Variants in PRKG1 observed in about 807,000 individuals in gnomAD.
PRKG1 encodes protein kinase cGMP-dependent 1.
In PRKG1, 35 loss-of-function variants were observed where a neutral mutation model predicts 88.1. The ratio of observed to expected loss-of-function variants is 0.40; its 90% confidence interval spans 0.30 to 0.53. The LOEUF (loss-of-function observed/expected upper bound fraction) is 0.53, where lower values mean the gene tolerates loss of function less well. Among genes scored for constraint, PRKG1 ranks in the 20% least tolerant of loss-of-function variants. The pLI is 0.59. For synonymous variants in PRKG1, 303 were observed against 292.5 expected (o/e 1.04, Z -0.37); for missense variants, 540 against 839.8 (o/e 0.64, Z 4.41).
intron 7 of PRKG1, among the ~76,000 whole-genome samples, chr10:52,096,816 T>C (rs982600512): frequency 6.6e-6 from 1 of 152,168 alleles, no homozygotes; most frequent in South Asian, 2.1e-4. Context: ...TGGGCTATTA[T>C]TTAATACCTA....
intron 8 of PRKG1, among the ~76,000 whole-genome samples, chr10:52,146,633 T>C (rs1427871837): frequency 6.6e-6 from 1 of 152,182 alleles, no homozygotes; most frequent in Non-Finnish European, 1.5e-5. Context: ...CTTTACCACG[T>C]TGCATTAGCA....
intron 2 of PRKG1, among the ~76,000 whole-genome samples, chr10:51,296,854 C>T (rs778595574): frequency 1.3e-5 from 2 of 151,842 alleles, no homozygotes; most frequent in Admixed American, 6.6e-5. Flanking sequence ...GTTACATTGC[C>T]GCCTCTGCTT....
At chr10:51,426,514 C>A (rs1838590210) in intron 2 of PRKG1, among the ~76,000 whole-genome samples, 1 of 152,040 alleles carries the variant, frequency 6.6e-6, no homozygotes, top group Admixed American at 6.6e-5. Flanking sequence ...GACATGTAGA[C>A]AAACAGATTG....
chr10:51,881,883 A>G (rs1016901174), intron 4 of PRKG1, among the ~76,000 whole-genome samples: 4 of 152,212 alleles, frequency 2.6e-5, no homozygotes, highest in Admixed American at 6.5e-5. Flanking sequence ...GATGCATCAC[A>G]GAACTCTTAA....
intron 4 of PRKG1, among the ~76,000 whole-genome samples, chr10:51,866,904 C>A (rs1036480868): frequency 1.3e-5 from 2 of 152,068 alleles, no homozygotes; most frequent in African/African-American, 4.8e-5. Context: ...AACTCTCTAT[C>A]CCCAAAACCT....
intron 2 of PRKG1, among the ~76,000 whole-genome samples, chr10:51,416,534 T>C (rs980585392): frequency 1.3e-5 from 2 of 152,192 alleles, no homozygotes; most frequent in African/African-American, 4.8e-5. Context: ...TTTCAAACTA[T>C]GCCACCGGGA....
At chr10:51,625,253 G>C (rs1348604547) in intron 3 of PRKG1, among the ~76,000 whole-genome samples, 2 of 152,140 alleles carry the variant, frequency 1.3e-5, no homozygotes, top group African/African-American at 4.8e-5. Context: ...TGAGCGGGTG[G>C]ATCACCTGAG....
At chr10:51,406,965 C>T (rs976569641) in intron 2 of PRKG1, among the ~76,000 whole-genome samples, 3 of 152,160 alleles carry the variant, frequency 2.0e-5, no homozygotes, top group Non-Finnish European at 2.9e-5. Context: ...TGGAGTTCGA[C>T]GTTTGAGGGC....
chr10:51,987,027 C>A (rs913837571), intron 5 of PRKG1, among the ~76,000 whole-genome samples: 1 of 151,824 alleles, frequency 6.6e-6, no homozygotes, highest in African/African-American at 2.4e-5. Flanking sequence ...CTAATATTTT[C>A]TTTGAGTATA....
At chr10:51,422,268 T>A (rs933466858) in intron 2 of PRKG1, among the ~76,000 whole-genome samples, 3 of 152,146 alleles carry the variant, frequency 2.0e-5, no homozygotes, top group Admixed American at 6.5e-5. Context: ...GGTTAAGAGA[T>A]CCAAACTCTG....
intron 11 of PRKG1, among the ~76,000 whole-genome samples, chr10:52,271,995 G>A (rs900297875): frequency 1.3e-5 from 2 of 152,056 alleles, no homozygotes; most frequent in South Asian, 2.1e-4. Context: ...GAATTTGAGC[G>A]AATAGCATAT....
intron 1 of PRKG1, among the ~76,000 whole-genome samples, chr10:51,044,477 T>C (rs1213585445): frequency 6.6e-6 from 1 of 152,164 alleles, no homozygotes; most frequent in African/African-American, 2.4e-5. Context: ...CTCCTCTCTT[T>C]TGGTCGCTAT....
intron 2 of PRKG1, among the ~76,000 whole-genome samples, chr10:51,402,485 G>C (rs1042218916): frequency 2.0e-5 from 3 of 152,146 alleles, no homozygotes; most frequent in African/African-American, 7.2e-5. Context: ...TTAAGATACT[G>C]GACTTCCTTC....
At chr10:51,715,247 G>T (rs2132440550) in intron 3 of PRKG1, among the ~76,000 whole-genome samples, 1 of 152,210 alleles carries the variant, frequency 6.6e-6, no homozygotes, top group Middle Eastern at 3.4e-3. Context: ...ATACAACTTA[G>T]ATTTCATTTT....
intron 9 of PRKG1, among the ~76,000 whole-genome samples, chr10:52,185,360 G>C (rs1178419838): frequency 6.6e-6 from 1 of 152,164 alleles, no homozygotes; most frequent in Non-Finnish European, 1.5e-5. Flanking sequence ...CCCACATCCA[G>C]TGCACACTAG....
chr10:51,609,426 G>A (rs1457892823), intron 3 of PRKG1, among the ~76,000 whole-genome samples: 1 of 152,176 alleles, frequency 6.6e-6, no homozygotes, highest in East Asian at 1.9e-4. Flanking sequence ...GGAAGATGGT[G>A]TGGCAATTCC....
At chr10:51,501,288 A>G (rs1294689593) in intron 3 of PRKG1, among the ~76,000 whole-genome samples, 4 of 152,186 alleles carry the variant, frequency 2.6e-5, no homozygotes, top group South Asian at 2.1e-4. Context: ...TTGTTTGGCT[A>G]AGGGAACAAC....
intron 2 of PRKG1, among the ~76,000 whole-genome samples, chr10:51,210,533 T>G (rs1200633436): frequency 6.6e-6 from 1 of 152,182 alleles, no homozygotes. Flanking sequence ...AGGAGCTGAT[T>G]TTTTGAAAAG....
intron 5 of PRKG1, among the ~76,000 whole-genome samples, chr10:51,927,982 G>A (rs1057360966): frequency 6.6e-6 from 1 of 152,320 alleles, no homozygotes; most frequent in South Asian, 2.1e-4. Flanking sequence ...CTAGTAGACT[G>A]TGGCTTTCTA....
Sources: gnomAD v4.1 joint callset for allele counts (sites outside exome capture counted in the v4.1 genomes callset) on GRCh38, gnomAD v4.1.1 for gene constraint, MANE v1.5 for transcripts, NCBI Gene and HGNC (gene_info 2026-07-23, HGNC 2026-07-21) for gene names.